The following TGFBR3 variants were observed in gnomAD, a reference collection of about 807,000 sequenced individuals.
TGFBR3 encodes transforming growth factor beta receptor 3.
In TGFBR3, 46 loss-of-function variants were observed where a neutral mutation model predicts 87.9. The ratio of observed to expected loss-of-function variants is 0.52; its 90% CI spans 0.41 to 0.67. The LOEUF is 0.67. TGFBR3 is among the 30% of genes least tolerant of loss of function. TGFBR3 has a pLI of 0.00. For synonymous variants in TGFBR3, 381 were observed against 391.6 expected, an observed-to-expected ratio of 0.97 and a Z score of 0.32; for missense variants, 866 against 1,041.9, an observed-to-expected ratio of 0.83 and a Z score of 2.32.
At chr1:91,793,850 GCTGCCTCTGGCC>G (rs1348184302) in intron 3 of TGFBR3, among the ~76,000 whole-genome samples, 1 of 150,322 alleles carries the variant, frequency 6.7e-6, no homozygotes, top group Non-Finnish European at 1.5e-5. Context: ...CTGCACAAAG[GCTGCCTCTGGCC>G]CTCCTACTAT....
In TGFBR3 at chr1:91,747,149, T is replaced by C. The variant is rs139765359; in HGVS notation, c.384+11464A>G. On this transcript the variant is annotated intron_variant, in intron 4 of 16. Coordinates refer to ENST00000212355, the MANE Select transcript of TGFBR3 (RefSeq NM_003243.5). ...AAGAAATGAGTGCAGATTCAAACTG[T>C]CTGCTGGACTCCAAAAATGATGCTC... Among the ~76,000 whole-genome samples the C allele has an allele frequency of 2.0e-3, 301 of 152,334 alleles. 1 individual carries two copies. Among genetic ancestry groups the C allele is most frequent in the Non-Finnish European group, 3.4e-3 (228 of 68,022 alleles).
chr1:91,680,635 G>T lies in TGFBR3; in HGVS notation c.*3104C>A, dbSNP rs1670876248. 1 of 453,996 alleles carries T rather than the reference G, an allele frequency of 2.2e-6. No individual in the cohort carries two copies. 28.1% of individuals were successfully genotyped at this position (453,996 alleles called of 1,614,324 possible). A position where few individuals can be genotyped will look rare whatever the true frequency, so the allele number is the denominator to read the frequency against. ...TTAGAAAAACATCTGTCAGTTTCAT[G>T]AACAACCCCCAGATAAAACAAACAT... On this transcript the variant is annotated 3_prime_UTR_variant, in exon 17 of 17. Coordinates refer to ENST00000212355, the MANE Select transcript of TGFBR3 (RefSeq NM_003243.5).
rs889037833 is a variant in TGFBR3, at chr1:91,720,244, A to G, written c.1076-14T>C. Reference sequence around the variant, plus strand: ...CCATCTCCTCTGCTGGTGAAAGAAGAAGGCAAAACATCAGCAGTGTTTGAT... The same window carrying G: ...CCATCTCCTCTGCTGGTGAAAGAAGGAGGCAAAACATCAGCAGTGTTTGAT... On this transcript the variant is annotated splice_polypyrimidine_tract_variant and intron_variant, in intron 8 of 16. Coordinates refer to ENST00000212355, the MANE Select transcript of TGFBR3 (RefSeq NM_003243.5). 10 of 1,565,834 alleles carry G rather than the reference A, an allele frequency of 6.4e-6. No individual in the cohort carries two copies. The Admixed American group carries it at 7.6e-5, about 12-fold the overall frequency.
intron 3 of TGFBR3, among the ~76,000 whole-genome samples, chr1:91,795,007 C>G (rs927964673): frequency 1.3e-5 from 2 of 152,216 alleles, no homozygotes; most frequent in Non-Finnish European, 2.9e-5. Flanking sequence ...ATATTTAATC[C>G]TTATACACAC....
At chr1:91,789,412 C>T (rs534181134) in intron 3 of TGFBR3, among the ~76,000 whole-genome samples, 2 of 152,340 alleles carry the variant, frequency 1.3e-5, no homozygotes, top group African/African-American at 4.8e-5. Flanking sequence ...GGCATTACCT[C>T]ATTCTAAAAA....
chr1:91,717,374 T>A (rs757777538), intron 10 of TGFBR3, among the ~76,000 whole-genome samples: 2 of 152,216 alleles, frequency 1.3e-5, no homozygotes, highest in African/African-American at 2.4e-5. Flanking sequence ...TGTATGGATG[T>A]GGAAAAGAAT....
intron 4 of TGFBR3, among the ~76,000 whole-genome samples, chr1:91,743,253 A>G (rs1673220697): frequency 6.6e-6 from 1 of 152,176 alleles, no homozygotes; most frequent in South Asian, 2.1e-4. Context: ...TTTAGTCTTC[A>G]GTGGTGAGGA....
chr1:91,708,813 CA>C, intron 13 of TGFBR3, 30 bp from the exon 14 acceptor site: 1 of 1,612,236 alleles, frequency 6.2e-7, no homozygotes, highest in South Asian at 1.1e-5. Flanking sequence ...AGCACAGAAT[CA>C]GGGGCCACTC....
At chr1:91,827,790 A>AT (rs1370012485) in intron 2 of TGFBR3, among the ~76,000 whole-genome samples, 1 of 152,188 alleles carries the variant, frequency 6.6e-6, no homozygotes, top group Non-Finnish European at 1.5e-5. Context: ...GTTAACAACA[A>AT]TAATAGTGCA....
At chr1:91,752,660 G>T (rs1396196885) in intron 4 of TGFBR3, among the ~76,000 whole-genome samples, 3 of 151,930 alleles carry the variant, frequency 2.0e-5, no homozygotes, top group Admixed American at 6.6e-5. Flanking sequence ...TTGTCCTAGG[G>T]CTCCAAGTCT....
intron 3 of TGFBR3, among the ~76,000 whole-genome samples, chr1:91,781,321 G>C (rs1674759295): frequency 1.3e-5 from 2 of 152,134 alleles, no homozygotes; most frequent in Non-Finnish European, 2.9e-5. Flanking sequence ...TGGCTAAAAA[G>C]GGCAAAGGGA....
intron 8 of TGFBR3, among the ~76,000 whole-genome samples, chr1:91,721,348 T>C (rs187091575): frequency 1.3e-5 from 2 of 152,292 alleles, no homozygotes; most frequent in African/African-American, 4.8e-5. Context: ...AGTGACTAAA[T>C]GGTAGAGCTG....
In TGFBR3 at chr1:91,760,593, C is replaced by CA. The variant is rs199854792; in HGVS notation, c.247-1844dup. Among the ~76,000 whole-genome samples the CA allele has an allele frequency of 3.9e-3, 593 of 152,070 alleles. 1 individual carries two copies. Among genetic ancestry groups the CA allele is most frequent in the Middle Eastern group, 0.017 (5 of 294 alleles). On this transcript the variant is annotated intron_variant, in intron 3 of 16. Coordinates refer to ENST00000212355, the MANE Select transcript of TGFBR3 (RefSeq NM_003243.5). ...CAAAGGAATTTAGCTGGCTAATTTG[C>CA]AAAAAAATACAAAAATAAGCAATAC...
At chr1:91,838,458 CT>C (rs539093148) in intron 2 of TGFBR3, among the ~76,000 whole-genome samples, 41,727 of 124,796 alleles carry the variant, frequency 0.33, 5,498 homozygotes, top group East Asian at 0.62. Flanking sequence ...TTGGAAATCT[CT>C]TTTTTTTTTT....
Position 91,809,180 on chromosome 1 carries a change from C to T in TGFBR3, c.62-11709G>A, listed in dbSNP as rs528545063. On this transcript the variant is annotated intron_variant, in intron 2 of 16. Coordinates refer to ENST00000212355, the MANE Select transcript of TGFBR3 (RefSeq NM_003243.5). Reference sequence around the variant, plus strand: ...ACACCTCATTAACCCTGAGGGATGACATTACCAAATCTGTTCATCTCTCAG... The same window carrying T: ...ACACCTCATTAACCCTGAGGGATGATATTACCAAATCTGTTCATCTCTCAG... Among the ~76,000 whole-genome samples, 3 of 152,326 alleles carry T rather than the reference C, an allele frequency of 2.0e-5. No homozygotes were observed. The East Asian group carries it at 5.8e-4, about 29-fold the overall frequency.
chr1:91,788,170 T>C (rs1675043628), intron 3 of TGFBR3, among the ~76,000 whole-genome samples: 1 of 152,192 alleles, frequency 6.6e-6, no homozygotes, highest in Non-Finnish European at 1.5e-5. Flanking sequence ...AGTCCAGTGC[T>C]AGCACCAAGT....
At chr1:91,890,492 T>C (rs1400261578), upstream of TGFBR3, among the ~76,000 whole-genome samples, 1 of 139,724 alleles carries the variant, frequency 7.2e-6, no homozygotes, top group African/African-American at 2.7e-5. Context: ...CCATCTTGGC[T>C]CACTGCAACC....
intron 7 of TGFBR3, among the ~76,000 whole-genome samples, chr1:91,726,790 C>CAAA (rs199939529): frequency 2.2e-5 from 2 of 90,590 alleles, no homozygotes; most frequent in African/African-American, 4.6e-5. Context: ...AGAGATTGGC[C>CAAA]AAAAAAAAAA....
intron 3 of TGFBR3, among the ~76,000 whole-genome samples, chr1:91,775,464 C>A (rs374291824): frequency 3.3e-5 from 5 of 152,338 alleles, no homozygotes; most frequent in South Asian, 2.1e-4. Flanking sequence ...GCATAGTTCA[C>A]GCCTTTTCAC....
Sources: allele counts gnomAD v4.1 joint callset (sites outside exome capture counted in the v4.1 genomes callset), GRCh38; gene constraint gnomAD v4.1.1; transcripts MANE v1.5; gene names NCBI Gene and HGNC (gene_info 2026-07-23, HGNC 2026-07-21).